The following E2F3 variants were observed in gnomAD, a reference collection of about 807,000 sequenced individuals.
The protein encoded by E2F3 is transcription factor E2F3.
E2F3 carries 11 observed loss-of-function variants against 44.4 expected under a neutral mutation model. The ratio of observed to expected loss-of-function variants is 0.25; its 90% confidence interval spans 0.16 to 0.41. The LOEUF (loss-of-function observed/expected upper bound fraction) is 0.41, where lower values mean the gene tolerates loss of function less well. Among genes scored for constraint, E2F3 ranks in the 10% least tolerant of loss-of-function variants. The pLI, the probability that E2F3 is intolerant of heterozygous loss-of-function variation, is 1.00. For missense variants in E2F3, 487 were observed against 583.6 expected (o/e 0.83, Z 1.70); for synonymous variants, 249 against 253.0 (o/e 0.98, Z 0.15).
At chr6:20,431,906 A>G (rs1298126712) in intron 1 of E2F3, among the ~76,000 whole-genome samples, 1 of 152,208 alleles carries the variant, frequency 6.6e-6, no homozygotes, top group Non-Finnish European at 1.5e-5. Flanking sequence ...AGATGTTGTC[A>G]GGGAGGTTTC....
intron 1 of E2F3, among the ~76,000 whole-genome samples, chr6:20,434,338 A>G (rs1760504244): frequency 6.6e-6 from 1 of 152,230 alleles, no homozygotes; most frequent in South Asian, 2.1e-4. Context: ...AGAAAACTTT[A>G]GACTGGTTTC....
chr6:20,466,024 A>G (rs1761692539), intron 1 of E2F3, among the ~76,000 whole-genome samples: 1 of 150,674 alleles, frequency 6.6e-6, no homozygotes, highest in African/African-American at 2.4e-5. Context: ...GAATCCCCAC[A>G]CTGTTTTCCA....
intron 4 of E2F3, among the ~76,000 whole-genome samples, chr6:20,486,434 G>A (rs976374134): frequency 6.6e-6 from 1 of 152,126 alleles, no homozygotes; most frequent in African/African-American, 2.4e-5. Flanking sequence ...CACCACGCCT[G>A]GCTAACTTTT....
At chr6:20,452,792 A>G (rs565493561) in intron 1 of E2F3, among the ~76,000 whole-genome samples, 90 of 152,134 alleles carry the variant, frequency 5.9e-4, no homozygotes, top group African/African-American at 2.0e-3. Context: ...TCTCTACTGA[A>G]AATACAAAAA....
chr6:20,483,045 C>A lies in E2F3; in HGVS notation c.884+125C>A. 5.0e-6 allele frequency: 7 copies of A among 1,412,268 alleles called. No individual in the cohort carries two copies. The Admixed American group carries it at 1.3e-4, about 27-fold the overall frequency. The allele number at this position is 1,412,268 out of a possible 1,614,324, so 87.5% of individuals were successfully genotyped here. On this transcript the variant is annotated intron_variant, in intron 4 of 6. Coordinates refer to ENST00000346618, the MANE Select transcript of E2F3 (RefSeq NM_001949.5). The stretch of plus-strand genomic sequence containing the variant: ...GTCATGCAAATGAGTACCTGTGTGC[C>A]TGTGTGTGTATGTGTGTGTGTGTGC...
chr6:20,431,375 G>A (rs540034858), intron 1 of E2F3, among the ~76,000 whole-genome samples: 8 of 152,264 alleles, frequency 5.3e-5, no homozygotes, highest in Middle Eastern at 3.4e-3. Flanking sequence ...CTCCCACCTC[G>A]CATCCCATGG....
At chr6:20,431,926 C>T (rs772630002) in intron 1 of E2F3, among the ~76,000 whole-genome samples, 4 of 152,192 alleles carry the variant, frequency 2.6e-5, no homozygotes, top group African/African-American at 7.2e-5. Context: ...CCTCTGAGGC[C>T]GCTCTCGGCT....
intron 1 of E2F3, among the ~76,000 whole-genome samples, chr6:20,430,048 A>G (rs1027567968): frequency 1.3e-5 from 2 of 152,120 alleles, no homozygotes; most frequent in Admixed American, 6.5e-5. Flanking sequence ...TAGTTAATCA[A>G]AGTTAAAATA....
chr6:20,456,222 T>C (rs1362761488), intron 1 of E2F3, among the ~76,000 whole-genome samples: 1 of 151,878 alleles, frequency 6.6e-6, no homozygotes, highest in Non-Finnish European at 1.5e-5. Flanking sequence ...GCCAGTGAAT[T>C]TTCTAGTCCT....
At chr6:20,471,512 C>G (rs1371487677) in intron 1 of E2F3, among the ~76,000 whole-genome samples, 1 of 152,122 alleles carries the variant, frequency 6.6e-6, no homozygotes, top group African/African-American at 2.4e-5. Flanking sequence ...ACCCAGGAGG[C>G]AGAGGTTGCA....
chr6:20,438,004 G>C (rs1197628303), intron 1 of E2F3: 1 of 152,210 alleles, frequency 6.6e-6, no homozygotes, highest in Non-Finnish European at 1.5e-5. Flanking sequence ...ACTGGGTAAT[G>C]TGATATTTGT....
At chr6:20,462,802 G>A (rs546368054) in intron 1 of E2F3, among the ~76,000 whole-genome samples, 19 of 149,760 alleles carry the variant, frequency 1.3e-4, no homozygotes, top group Non-Finnish European at 2.7e-4. Context: ...CCTGGGTATC[G>A]GGCAGGGCAG....
At chr6:20,486,855 A>G (rs1320557462) in intron 5 of E2F3, 52 bp downstream of exon 5, 1 of 1,183,656 alleles carries the variant, frequency 8.4e-7, no homozygotes, top group Non-Finnish European at 1.2e-6. Flanking sequence ...GGAATGCCTG[A>G]AATTGAATGA....
intron 4 of E2F3, among the ~76,000 whole-genome samples, chr6:20,485,297 G>A (rs779574965): frequency 1.3e-5 from 2 of 152,184 alleles, no homozygotes; most frequent in African/African-American, 4.8e-5. Flanking sequence ...AATGACCAAG[G>A]CCGGGCGCCG....
intron 1 of E2F3, among the ~76,000 whole-genome samples, chr6:20,446,497 A>C (rs987963729): frequency 2.6e-5 from 4 of 152,158 alleles, no homozygotes; most frequent in Non-Finnish European, 5.9e-5. Context: ...ATCATTGCTG[A>C]CCCCAATGTA....
At position 20,491,652 on chromosome 6, in the gene E2F3, G is replaced by A. The variant is rs778227610; in HGVS notation, c.*1222G>A. Reference sequence around the variant, plus strand: ...ACTTCTCAGGATGGGGTCAGATGGAGAGACCTCTAGGGAGAAAGACATCCC... The same window carrying A: ...ACTTCTCAGGATGGGGTCAGATGGAAAGACCTCTAGGGAGAAAGACATCCC... On this transcript the variant is annotated 3_prime_UTR_variant, in exon 7 of 7. Coordinates refer to ENST00000346618, the MANE Select transcript of E2F3 (RefSeq NM_001949.5). 9.0e-5 allele frequency: 17 copies of A among 188,660 alleles called. No homozygotes were observed. Among genetic ancestry groups the A allele is most frequent in the Admixed American group, 3.1e-4 (5 of 16,180 alleles). The allele number at this position is 188,660 out of a possible 1,614,324, so 11.7% of individuals were successfully genotyped here.
At chr6:20,461,481 G>A (rs1172044528) in intron 1 of E2F3, among the ~76,000 whole-genome samples, 2 of 152,120 alleles carry the variant, frequency 1.3e-5, no homozygotes, top group Non-Finnish European at 2.9e-5. Context: ...GCGACAGAGC[G>A]AGACAATACA....
At chr6:20,406,629 A>G (rs1298654185) in intron 1 of E2F3, among the ~76,000 whole-genome samples, 5 of 152,292 alleles carry the variant, frequency 3.3e-5, no homozygotes, top group African/African-American at 1.2e-4. Flanking sequence ...CTATATAGAG[A>G]TAGTGGTGTT....
rs548901435 is a variant in E2F3 at position 20,467,443 on chromosome 6, C to T, written c.394-12403C>T. On this transcript the variant is annotated intron_variant, in intron 1 of 6. Coordinates refer to ENST00000346618, the MANE Select transcript of E2F3 (RefSeq NM_001949.5). ...CTCACAGTGCATTTTAGTAAAGCCT[C>T]CTCAGGAAGCTGATGATACCAATCT... Among the ~76,000 whole-genome samples, 6 of 152,314 alleles carry T rather than the reference C, an allele frequency of 3.9e-5. No homozygotes were observed. The East Asian group carries it at 1.2e-3, about 29-fold the overall frequency.
Sources: allele counts gnomAD v4.1 joint callset (sites outside exome capture counted in the v4.1 genomes callset), GRCh38; gene constraint gnomAD v4.1.1; transcripts MANE v1.5; gene names NCBI Gene and HGNC (gene_info 2026-07-23, HGNC 2026-07-21).